The following SYTL5 variants were observed in gnomAD, a reference collection of about 807,000 sequenced individuals.
The protein encoded by SYTL5 is synaptotagmin like 5, also known as synaptotagmin-like protein 5.
A neutral mutation model predicts 55.9 loss-of-function variants in SYTL5; 34 were observed. The ratio of observed to expected loss-of-function variants is 0.61; its 90% CI spans 0.46 to 0.81. The LOEUF (loss-of-function observed/expected upper bound fraction) is 0.81, where lower values mean the gene tolerates loss of function less well. Ranked by LOEUF, SYTL5 falls within the 30% of genes least tolerant of loss-of-function variation. The probability of loss-of-function intolerance (pLI) is 0.00; values close to 1 mark genes in which losing one functional copy is unlikely to be tolerated. For synonymous variants in SYTL5, 221 were observed against 188.7 expected (o/e 1.17, Z -1.40); for missense variants, 637 against 546.7 (o/e 1.17, Z -1.65).
chrX:38,032,414 G>A (rs1048496295), intron 1 of SYTL5, among the ~76,000 whole-genome samples: 3 of 111,058 alleles, frequency 2.7e-5, no homozygotes, highest in Non-Finnish European at 1.9e-5. Flanking sequence ...TTGACAAAGG[G>A]GTAGTTTTAA....
At position 38,033,894 on chromosome X, in the gene SYTL5, C is replaced by T; in HGVS notation, c.5C>T (p.Ser2Phe). M[S>F]KNSEFINLSF... The stretch of plus-strand genomic sequence containing the variant: ...CAGAGCTGCTGCTGAAATACCATGT[C>T]TAAGAACTCAGAGTTCATCAATCTG... Residue 2 changes from serine to phenylalanine, a missense_variant, in exon 2 of 17, where the codon TCT becomes TTT. Transcript: ENST00000297875. 8.6e-7 allele frequency: 1 copy of T among 1,157,300 alleles called. No homozygotes were observed. Among genetic ancestry groups the T allele is most frequent in the East Asian group, 3.0e-5 (1 of 33,329 alleles).
At chrX:38,090,276 A>G (rs1346682473) in intron 7 of SYTL5, among the ~76,000 whole-genome samples, 1 of 112,463 alleles carries the variant, frequency 8.9e-6, no homozygotes, top group Admixed American at 9.4e-5. Context: ...CTGGAAAAGT[A>G]GAACTTTTAT....
At chrX:37,972,498 G>A in the SYTL5 span, among the ~76,000 whole-genome samples, 1 of 111,516 alleles carries the variant, frequency 9.0e-6, no homozygotes, top group Non-Finnish European at 1.9e-5. Context: ...CGTTAGCTCC[G>A]GTTTCGGGCA....
chrX:38,068,841 G>T (rs1021148863), intron 3 of SYTL5, among the ~76,000 whole-genome samples: 2 of 110,771 alleles, frequency 1.8e-5, no homozygotes, highest in Non-Finnish European at 3.8e-5. Flanking sequence ...CAACGGGATC[G>T]TTTATACCCC....
intron 2 of SYTL5, among the ~76,000 whole-genome samples, chrX:38,039,991 C>T (rs1232019132): frequency 3.6e-5 from 4 of 110,487 alleles, no homozygotes; most frequent in Admixed American, 2.9e-4. Context: ...CTGGCTAACA[C>T]GGTAAAACCC....
chrX:38,091,088 T>G (rs1483528434), intron 7 of SYTL5, among the ~76,000 whole-genome samples: 1 of 111,994 alleles, frequency 8.9e-6, no homozygotes, highest in African/African-American at 3.2e-5. Context: ...TAACACAATC[T>G]GCCTTATCTT....
chrX:38,025,115 G>A (rs1223337964), intron 1 of SYTL5, among the ~76,000 whole-genome samples: 1 of 111,942 alleles, frequency 8.9e-6, no homozygotes, highest in Admixed American at 9.5e-5. Flanking sequence ...TCCTCTATTT[G>A]AAAGGCATCC....
the SYTL5 span, among the ~76,000 whole-genome samples, chrX:37,916,617 A>T: frequency 8.9e-6 from 1 of 112,318 alleles, no homozygotes; most frequent in African/African-American, 3.2e-5. Context: ...TGCTACTTGT[A>T]TCTTCTACAA....
intron 9 of SYTL5, 112 bp downstream of exon 9, chrX:38,096,346 A>G: frequency 1.3e-5 from 5 of 390,518 alleles, no homozygotes; most frequent in Non-Finnish European, 2.2e-5. Context: ...GAGAGGATAT[A>G]CAATCATCTC....
chrX:38,119,920 A>G (rs1486682730), intron 13 of SYTL5, among the ~76,000 whole-genome samples: 1 of 112,231 alleles, frequency 8.9e-6, no homozygotes, highest in Non-Finnish European at 1.9e-5. Context: ...CTACTTTTCC[A>G]TTCTTGATCA....
the SYTL5 span, among the ~76,000 whole-genome samples, chrX:37,941,890 G>T: frequency 1.1e-4 from 7 of 63,399 alleles, no homozygotes; most frequent in Admixed American, 2.4e-4. Context: ...TCAATTACTT[G>T]AAATAACTTG....
chrX:37,949,695 G>T, the SYTL5 span, among the ~76,000 whole-genome samples: 9 of 111,862 alleles, frequency 8.0e-5, no homozygotes, highest in Non-Finnish European at 1.5e-4. Context: ...GACAAAAAAG[G>T]AAAATATACA....
intron 2 of SYTL5, among the ~76,000 whole-genome samples, chrX:38,049,757 A>G (rs1343566897): frequency 2.7e-5 from 3 of 112,247 alleles, no homozygotes; most frequent in African/African-American, 6.5e-5. Flanking sequence ...GAAGAAAGGG[A>G]GAACAGATAT....
the SYTL5 span, among the ~76,000 whole-genome samples, chrX:37,975,709 A>G: frequency 8.9e-6 from 1 of 111,822 alleles, no homozygotes; most frequent in Non-Finnish European, 1.9e-5. Context: ...ACCTATTAGC[A>G]CATCTCACTG....
the SYTL5 span, among the ~76,000 whole-genome samples, chrX:37,914,838 C>A: frequency 8.9e-6 from 1 of 112,052 alleles, no homozygotes; most frequent in Admixed American, 9.5e-5. Flanking sequence ...TCACTCTAAA[C>A]TAATGGCTCT....
the SYTL5 span, among the ~76,000 whole-genome samples, chrX:37,964,780 T>C: frequency 9.0e-6 from 1 of 110,968 alleles, no homozygotes; most frequent in Non-Finnish European, 1.9e-5. Flanking sequence ...TATCATTATA[T>C]ATATATGTTA....
chrX:37,964,919 G>A, the SYTL5 span, among the ~76,000 whole-genome samples: 1,634 of 110,554 alleles, frequency 0.015, 15 homozygotes, highest in Middle Eastern at 0.032. Flanking sequence ...TTTTGTGGCA[G>A]GGGTTGTCAT....
intron 2 of SYTL5, among the ~76,000 whole-genome samples, chrX:38,047,547 C>G (rs73632445): frequency 0.043 from 4,833 of 112,275 alleles, 85 homozygotes; most frequent in Middle Eastern, 0.069. Context: ...TTTTTTTGTT[C>G]CAGGCCTGTG....
intron 3 of SYTL5, among the ~76,000 whole-genome samples, chrX:38,060,055 A>G: frequency 9.0e-6 from 1 of 111,340 alleles, no homozygotes; most frequent in East Asian, 2.8e-4. Context: ...CTGTACCGGG[A>G]GAAGAATTTT....
Sources: gnomAD v4.1 joint callset for allele counts (sites outside exome capture counted in the v4.1 genomes callset) on GRCh38, gnomAD v4.1.1 for gene constraint, MANE v1.5 for transcripts, NCBI Gene and HGNC (gene_info 2026-07-23, HGNC 2026-07-21) for gene names.